Variants in NOS1AP observed in about 807,000 individuals in gnomAD.
The protein encoded by NOS1AP is nitric oxide synthase 1 adaptor protein, also known as carboxyl-terminal PDZ ligand of neuronal nitric oxide synthase protein.
NOS1AP carries 21 observed loss-of-function variants against 56.2 expected under a neutral mutation model. That is an observed-to-expected ratio of 0.37 (90% confidence interval 0.26 to 0.54). NOS1AP has a LOEUF of 0.54. NOS1AP is among the 20% of genes least tolerant of loss of function. The pLI is 0.84. For missense variants in NOS1AP, 522 were observed against 657.8 expected (o/e 0.79, Z 2.26); for synonymous variants, 270 against 274.6 (o/e 0.98, Z 0.17).
rs1238168171 is a variant in NOS1AP, at chr1:162,155,401, CAT to C, written c.177+939_177+940del. ...AGAGAGCTTATATATATAGAGAGCT[CAT>C]ATATATATATATAGAGCCTATATAC... On this transcript the variant is annotated intron_variant, in intron 2 of 9. Transcript: ENST00000361897. Among the ~76,000 whole-genome samples, 89 of 107,804 alleles carry C rather than the reference CAT, an allele frequency of 8.3e-4. 1 individual carries two copies. Among genetic ancestry groups the C allele is most frequent in the African/African-American group, 1.9e-3 (56 of 30,166 alleles). The allele number at this position is 107,804 out of a possible 152,430, so 70.7% of individuals were successfully genotyped here. A position where few individuals can be genotyped will look rare whatever the true frequency, so the allele number is the denominator to read the frequency against.
At chr1:162,110,187 G>A (rs566390290) in intron 1 of NOS1AP, among the ~76,000 whole-genome samples, 4 of 151,900 alleles carry the variant, frequency 2.6e-5, no homozygotes, top group African/African-American at 4.8e-5. Context: ...GTTCCCCTCC[G>A]GTGAGGGGTG....
intron 2 of NOS1AP, among the ~76,000 whole-genome samples, chr1:162,163,269 A>T (rs1650316271): frequency 1.3e-5 from 2 of 152,120 alleles, no homozygotes; most frequent in Non-Finnish European, 2.9e-5. Flanking sequence ...TTTAGAAAAC[A>T]CTTGATAGGG....
intron 2 of NOS1AP, among the ~76,000 whole-genome samples, chr1:162,266,795 G>C (rs1654437553): frequency 6.6e-6 from 1 of 152,150 alleles, no homozygotes; most frequent in Non-Finnish European, 1.5e-5. Flanking sequence ...ATACTACGAT[G>C]CTTATAATTC....
chr1:162,290,723 G>T (rs1655261651), intron 3 of NOS1AP, among the ~76,000 whole-genome samples: 1 of 152,162 alleles, frequency 6.6e-6, no homozygotes, highest in Admixed American at 6.5e-5. Flanking sequence ...ACATTGAATA[G>T]CCCTCTCCTC....
At chr1:162,220,321 G>T in intron 2 of NOS1AP, among the ~76,000 whole-genome samples, 1 of 152,012 alleles carries the variant, frequency 6.6e-6, no homozygotes, top group East Asian at 1.9e-4. Context: ...CTAGAATCTG[G>T]GTGGGTGTCT....
intron 8 of NOS1AP, among the ~76,000 whole-genome samples, chr1:162,358,912 T>C (rs1198173153): frequency 1.3e-5 from 2 of 152,186 alleles, no homozygotes. Context: ...ACAATAGTGT[T>C]GTGGCGGTGG....
rs143552635 is a variant in NOS1AP, at chr1:162,224,849, C to G, written c.178-62495C>G. On this transcript the variant is annotated intron_variant, in intron 2 of 9. Coordinates refer to ENST00000361897, the MANE Select transcript of NOS1AP (RefSeq NM_014697.3). The stretch of plus-strand genomic sequence containing the variant: ...TGTTTCCAGGATGAGACCCCATGTC[C>G]TGAGGGTCACTGCCTTATCAGAGAT... Among the ~76,000 whole-genome samples, 508 of 152,268 alleles carry G rather than the reference C, an allele frequency of 3.3e-3. 3 individuals carry two copies. Among genetic ancestry groups the G allele is most frequent in the African/African-American group, 0.012 (480 of 41,554 alleles).
chr1:162,355,469 G>GCCACT, intron 7 of NOS1AP, 116 bp downstream of exon 7: 9 of 1,288,508 alleles, frequency 7.0e-6, no homozygotes, highest in Non-Finnish European at 1.0e-5. Flanking sequence ...GCACAGTGGC[G>GCCACT]GTGCCAGAGC....
chr1:162,108,236 A>G (rs1269215362), intron 1 of NOS1AP, among the ~76,000 whole-genome samples: 1 of 152,218 alleles, frequency 6.6e-6, no homozygotes, highest in African/African-American at 2.4e-5. Flanking sequence ...TTTTTACAAC[A>G]GCAAGCAGGG....
In NOS1AP at chr1:162,303,904, CTTT is replaced by C. The variant is rs35658165; in HGVS notation, c.344+3218_344+3220del. ...AACATTTTCTCCAAGTCTGGCTTGT[CTTT>C]TTTTTTTTTTTTTTTTTTTAAATAG... On this transcript the variant is annotated intron_variant, in intron 4 of 9. Transcript: ENST00000361897. Among the ~76,000 whole-genome samples the C allele has an allele frequency of 4.3e-3, 477 of 110,670 alleles. 5 individuals carry two copies. Among genetic ancestry groups the C allele is most frequent in the Middle Eastern group, 0.012 (2 of 170 alleles). 72.6% of individuals were successfully genotyped at this position (110,670 alleles called of 152,430 possible).
At chr1:162,169,176 A>G (rs942545741) in intron 2 of NOS1AP, among the ~76,000 whole-genome samples, 19 of 152,188 alleles carry the variant, frequency 1.2e-4, no homozygotes, top group African/African-American at 4.6e-4. Context: ...AAATGACCCT[A>G]TTTGATCTGG....
At chr1:162,100,849 T>C (rs1337428250) in intron 1 of NOS1AP, among the ~76,000 whole-genome samples, 1 of 152,194 alleles carries the variant, frequency 6.6e-6, no homozygotes, top group Non-Finnish European at 1.5e-5. Context: ...CTTTGTCAGA[T>C]GAATAGATTG....
intron 2 of NOS1AP, among the ~76,000 whole-genome samples, chr1:162,200,729 G>A (rs1651966982): frequency 6.6e-6 from 1 of 152,176 alleles, no homozygotes; most frequent in Non-Finnish European, 1.5e-5. Flanking sequence ...TGTTGCTGTG[G>A]TGAATTTCAT....
At chr1:162,353,488 G>A (rs1445101096) in intron 6 of NOS1AP, among the ~76,000 whole-genome samples, 11 of 152,354 alleles carry the variant, frequency 7.2e-5, no homozygotes, top group African/African-American at 2.4e-4. Flanking sequence ...GGGATGGGAA[G>A]TAGATAAGCA....
At chr1:162,364,696 C>G in intron 8 of NOS1AP, 1 of 985,586 alleles carries the variant, frequency 1.0e-6, no homozygotes, top group African/African-American at 1.7e-5. Flanking sequence ...ATGTTTGACC[C>G]CTACCAGGTG....
chr1:162,164,344 A>G (rs1650375556), intron 2 of NOS1AP, among the ~76,000 whole-genome samples: 1 of 152,202 alleles, frequency 6.6e-6, no homozygotes, highest in African/African-American at 2.4e-5. Flanking sequence ...GATGACTTCT[A>G]TGGCACACAT....
chr1:162,091,125 C>A (rs949317202), intron 1 of NOS1AP, among the ~76,000 whole-genome samples: 4 of 152,044 alleles, frequency 2.6e-5, no homozygotes, highest in Non-Finnish European at 5.9e-5. Context: ...TTTACCTGAG[C>A]CTTCTCTTTT....
chr1:162,105,964 A>G (rs1214386237), intron 1 of NOS1AP, among the ~76,000 whole-genome samples: 3 of 152,176 alleles, frequency 2.0e-5, no homozygotes, highest in African/African-American at 7.2e-5. Context: ...TCCTAGGGAC[A>G]TGCATGGATG....
chr1:162,287,157 G>A (rs568155492), intron 2 of NOS1AP, among the ~76,000 whole-genome samples, 187 bp from the exon 3 acceptor site: 9 of 152,214 alleles, frequency 5.9e-5, no homozygotes, highest in Middle Eastern at 3.4e-3. Flanking sequence ...TCAGAGTCCC[G>A]TTTCTAACCC....
Sources: allele counts gnomAD v4.1 joint callset (sites outside exome capture counted in the v4.1 genomes callset), GRCh38; gene constraint gnomAD v4.1.1; transcripts MANE v1.5; gene names NCBI Gene and HGNC (gene_info 2026-07-23, HGNC 2026-07-21).